VIRMA: variants seen among roughly 807,000 people sequenced by gnomAD.
VIRMA encodes protein virilizer homolog.
In VIRMA, 65 loss-of-function variants were observed where a neutral mutation model predicts 182.4. That is an observed-to-expected ratio of 0.36 (90% CI 0.29 to 0.44). VIRMA has a LOEUF of 0.44. Among genes scored for constraint, VIRMA ranks in the 20% least tolerant of loss-of-function variants. The pLI is 1.00. For synonymous variants in VIRMA, 709 were observed against 743.1 expected (o/e 0.95, Z 0.75); for missense variants, 1,752 against 2,158.1 (o/e 0.81, Z 3.73).
chr8:94,524,259 A>G (rs769801085), intron 8 of VIRMA, among the ~76,000 whole-genome samples: 2 of 151,758 alleles, frequency 1.3e-5, no homozygotes, highest in Non-Finnish European at 2.9e-5. Flanking sequence ...TTGGCGTCCC[A>G]AAGTGCTGGG....
At chr8:94,506,950 T>A (rs1814172205) in intron 15 of VIRMA, among the ~76,000 whole-genome samples, 1 of 152,186 alleles carries the variant, frequency 6.6e-6, no homozygotes, top group Admixed American at 6.5e-5. Flanking sequence ...ATATTTTGAT[T>A]TACTTTTACT....
chr8:94,547,113 G>T, intron 1 of VIRMA: 1 of 425,834 alleles, frequency 2.3e-6, no homozygotes, highest in Non-Finnish European at 4.7e-6. Flanking sequence ...TAGCTGAATT[G>T]TAATTGCCTC....
At chr8:94,552,940 G>A (rs894328702) in intron 1 of VIRMA, among the ~76,000 whole-genome samples, 1 of 152,006 alleles carries the variant, frequency 6.6e-6, no homozygotes, top group Non-Finnish European at 1.5e-5. Flanking sequence ...CATAATTCCC[G>A]ACAGAAAAGA....
rs776207879 is a variant in VIRMA at position 94,526,260 on chromosome 8, G to T, written c.1984C>A (p.Pro662Thr). 1.2e-6 allele frequency: 2 copies of T among 1,613,476 alleles called. No individual in the cohort carries two copies. Among genetic ancestry groups the T allele is most frequent in the Non-Finnish European group, 1.7e-6 (2 of 1,179,700 alleles). ...SFPTMARITG[P>T]PERDDPYPVL... Reference sequence around the variant, plus strand: ...GGGTATGGATCATCCCTCTCTGGAGGTCCAGTAATTCGTGCCATCGTTGGG... The same window carrying T: ...GGGTATGGATCATCCCTCTCTGGAGTTCCAGTAATTCGTGCCATCGTTGGG... The change falls in exon 8 of 24, where the codon CCT becomes ACT. Residue 662 changes from proline to threonine, a missense_variant. This residue lies in a region of VIRMA where 401 missense variants were observed against 455.1 expected (regional missense o/e 0.88). Coordinates refer to ENST00000297591, the MANE Select transcript of VIRMA (RefSeq NM_015496.5).
chr8:94,532,738 G>C (rs911027948), intron 5 of VIRMA, among the ~76,000 whole-genome samples: 2 of 152,126 alleles, frequency 1.3e-5, no homozygotes, highest in African/African-American at 2.4e-5. Flanking sequence ...GCTGAGACAA[G>C]AGGATCACTT....
intron 16 of VIRMA, among the ~76,000 whole-genome samples, chr8:94,502,771 A>C (rs1237990730): frequency 6.6e-6 from 1 of 152,104 alleles, no homozygotes; most frequent in Non-Finnish European, 1.5e-5. Flanking sequence ...GAAGTACTTA[A>C]AAAATTTTTT....
chr8:94,549,797 C>T (rs541932736), intron 1 of VIRMA, among the ~76,000 whole-genome samples: 1 of 152,240 alleles, frequency 6.6e-6, no homozygotes, highest in South Asian at 2.1e-4. Context: ...TAGATGACTA[C>T]CTTTGAAAAC....
intron 12 of VIRMA, 38 bp from the exon 13 acceptor site, chr8:94,511,767 C>G: frequency 7.1e-7 from 1 of 1,401,532 alleles, no homozygotes; most frequent in Non-Finnish European, 9.8e-7. Flanking sequence ...AAACTAATTA[C>G]TTATATGTTA....
chr8:94,553,142 C>T (rs1468894943), intron 1 of VIRMA, among the ~76,000 whole-genome samples: 3 of 152,116 alleles, frequency 2.0e-5, no homozygotes, highest in African/African-American at 7.2e-5. Context: ...AAAATAAAGC[C>T]ATGCAAGCAG....
chr8:94,512,153 C>A, intron 11 of VIRMA, 64 bp from the exon 12 acceptor site: 1 of 682,254 alleles, frequency 1.5e-6, no homozygotes, highest in Non-Finnish European at 2.2e-6. Flanking sequence ...ACAGAAAATT[C>A]CAGACAAGGA....
In VIRMA at chr8:94,506,641, T is replaced by C; in HGVS notation, c.3956A>G (p.Asn1319Ser). The stretch of plus-strand genomic sequence containing the variant: ...ACAGATTGAGGTCATCAATTCTTTA[T>C]TTGGTAGAGAATTGGAGAGCTGCTC... The part of the protein sequence containing the change: ...ELEQLSNSLP[N>S]KELMTSICDC... Residue 1319 changes from asparagine to serine, a missense_variant, in exon 16 of 24, where the codon AAT becomes AGT. Asn to Ser is a conservative substitution (Grantham distance 46). Around this residue, in one of 11 missense-constraint regions of VIRMA, gnomAD observed 777 missense variants for 920.6 expected, o/e 0.84. Coordinates refer to ENST00000297591, the MANE Select transcript of VIRMA (RefSeq NM_015496.5). The C allele has an allele frequency of 1.9e-6, 3 of 1,613,562 alleles. No individual in the cohort carries two copies. Among genetic ancestry groups the C allele is most frequent in the South Asian group, 2.2e-5 (2 of 91,072 alleles).
Position 94,511,530 on chromosome 8 carries a change from A to G in VIRMA, c.3045T>C (p.Thr1015=), listed in dbSNP as rs767401021. The change falls in exon 13 of 24, where the codon ACT becomes ACC. Residue 1015 remains threonine, a synonymous_variant. Coordinates refer to ENST00000297591, the MANE Select transcript of VIRMA (RefSeq NM_015496.5). ...MARCTLTLLK[T]MLTELLRGGS... is the part of the protein sequence containing the mutation. ...CACCTCTCAGGAGTTCCGTTAACAT[A>G]GTTTTAAGAAGAGTGAGTGTGCAGC... is the stretch of plus-strand genomic sequence containing the variant. 1.5e-5 allele frequency: 25 copies of G among 1,614,032 alleles called. No individual in the cohort carries two copies. The highest frequency in any genetic ancestry group is 1.8e-5 in the Non-Finnish European group (21 of 1,180,012).
At chr8:94,531,221 G>T in intron 5 of VIRMA, 136 bp from the exon 6 acceptor site, 1 of 982,958 alleles carries the variant, frequency 1.0e-6, no homozygotes, top group Non-Finnish European at 1.4e-6. Context: ...GGTATTTGAG[G>T]GATGCAAAAT....
chr8:94,540,752 G>C (rs1409546465), intron 2 of VIRMA, among the ~76,000 whole-genome samples: 1 of 151,742 alleles, frequency 6.6e-6, no homozygotes, highest in Non-Finnish European at 1.5e-5. Flanking sequence ...GTGAGCCACT[G>C]CACCTGACCC....
chr8:94,506,484 T>C lies in VIRMA; in HGVS notation c.4097+16A>G. On this transcript the variant is annotated intron_variant, in intron 16 of 23. Transcript: ENST00000297591. ...AAATTAAATCTGAGAGTATATTAAATTAGACAAATCATTACCTTTTTAAAT... is the reference window on the plus strand; with the variant it reads ...AAATTAAATCTGAGAGTATATTAAACTAGACAAATCATTACCTTTTTAAAT... The C allele has an allele frequency of 6.5e-7, 1 of 1,529,246 alleles. No individual in the cohort carries two copies. Among genetic ancestry groups the C allele is most frequent in the Non-Finnish European group, 9.0e-7 (1 of 1,108,866 alleles). The allele number at this position is 1,529,246 out of a possible 1,614,324, so 94.7% of individuals were successfully genotyped here.
intron 5 of VIRMA, among the ~76,000 whole-genome samples, chr8:94,531,470 A>C (rs1412203967): frequency 6.6e-6 from 1 of 152,202 alleles, no homozygotes; most frequent in Non-Finnish European, 1.5e-5. Context: ...GGTGTCTCAG[A>C]AATTTTGCTA....
At chr8:94,537,260 T>G (rs1426946752) in intron 3 of VIRMA, 109 bp from the exon 4 acceptor site, 1 of 777,984 alleles carries the variant, frequency 1.3e-6, no homozygotes, top group African/African-American at 1.8e-5. Context: ...GCTAGATTTT[T>G]GTTTTGATTC....
intron 22 of VIRMA, chr8:94,490,301 GC>G: frequency 1.0e-5 from 5 of 497,548 alleles, no homozygotes; most frequent in Non-Finnish European, 1.4e-5. Flanking sequence ...GTATTTATGT[GC>G]CCTGGTCAGC....
In VIRMA at chr8:94,526,430, A is replaced by C; in HGVS notation, c.1814T>G (p.Val605Gly). Reference sequence around the variant, plus strand: ...AAGATCCATATCCATAGAAGCTTCCACCTCATTTTCATATTCTGGGTTTGT... The same window carrying C: ...AAGATCCATATCCATAGAAGCTTCCCCCTCATTTTCATATTCTGGGTTTGT... ...ERTNPEYENE[V>G]EASMDMDLLE... The change falls in exon 8 of 24, where the codon GTG becomes GGG. Residue 605 changes from valine (V) to glycine (G), a missense_variant. Physicochemically the swap from Val to Gly is moderately radical, Grantham distance 109. Transcript: ENST00000297591. The C allele has an allele frequency of 6.2e-7, 1 of 1,613,746 alleles. No individual in the cohort carries two copies. Among genetic ancestry groups the C allele is most frequent in the Non-Finnish European group, 8.5e-7 (1 of 1,179,920 alleles).
Sources: allele counts gnomAD v4.1 joint callset (sites outside exome capture counted in the v4.1 genomes callset), GRCh38; gene constraint gnomAD v4.1.1; regional missense constraint gnomAD v4.1.1; transcripts MANE v1.5; gene names NCBI Gene and HGNC (gene_info 2026-07-23, HGNC 2026-07-21).